Variants in RP1 observed in about 807,000 individuals in gnomAD.
RP1 encodes oxygen-regulated protein 1.
Under a neutral mutation model 14.8 loss-of-function variants are expected in RP1, and 16 were observed. That is an observed-to-expected ratio of 1.08 (90% confidence interval 0.73 to 1.65). The LOEUF (loss-of-function observed/expected upper bound fraction) is 1.65, where lower values mean the gene tolerates loss of function less well. RP1 is among the 40% of genes most tolerant of loss of function. The pLI is 0.00. For synonymous variants in RP1, 876 were observed against 883.6 expected, an observed-to-expected ratio of 0.99 and a Z score of 0.15; for missense variants, 2,631 against 2,535.0, an observed-to-expected ratio of 1.04 and a Z score of -0.81.
At chr8:54,786,522 A>G (rs1409462838) in intron 24 of RP1, among the ~76,000 whole-genome samples, 2 of 151,876 alleles carry the variant, frequency 1.3e-5, no homozygotes, top group Non-Finnish European at 1.5e-5. Flanking sequence ...GGAGTTGGGG[A>G]GGGTGGTAGA....
At position 54,629,885 on chromosome 8, in the gene RP1, G is replaced by A. The variant is rs748059185; in HGVS notation, c.6003G>A (p.Met2001Ile). The change falls in exon 4 of 4, where the codon ATG becomes ATA. Residue 2001 changes from methionine to isoleucine, a missense_variant. By Grantham distance (10) the Met-to-Ile change is conservative. Transcript: ENST00000220676. ...QFYFSNTFDL[M>I]GKRRKQKRIN... is the part of the protein sequence containing the mutation. ...ATTTCAGTAACACATTTGACTTGAT[G>A]GGTAAAAGAAGAAAACAAAAAAGAA... is the stretch of plus-strand genomic sequence containing the variant. The A allele has an allele frequency of 2.5e-6, 4 of 1,613,760 alleles. No homozygotes were observed. Among genetic ancestry groups the A allele is most frequent in the Non-Finnish European group, 2.5e-6 (3 of 1,179,900 alleles).
At chr8:54,580,307 T>C (rs1270409238) in intron 1 of RP1, among the ~76,000 whole-genome samples, 1 of 135,412 alleles carries the variant, frequency 7.4e-6, no homozygotes, top group East Asian at 2.1e-4. Flanking sequence ...CTTCTTTTTT[T>C]TTTTTTTTTT....
At chr8:54,869,952 C>T (rs1498180) in exon 29 of RP1, 235,594 of 1,188,864 alleles carry the variant, frequency 0.2, 28,956 homozygotes, top group East Asian at 0.64. Context: ...AAAGGGCCCA[C>T]TTGGGCCTGT....
intron 1 of RP1, among the ~76,000 whole-genome samples, chr8:54,577,517 T>G (rs1425480144): frequency 2.6e-5 from 4 of 152,214 alleles, no homozygotes. Flanking sequence ...TTTTTGCTTA[T>G]GAAATTTTGA....
intron 6 of RP1, among the ~76,000 whole-genome samples, chr8:54,657,998 A>G (rs1160891079): frequency 1.3e-5 from 2 of 152,218 alleles, no homozygotes; most frequent in East Asian, 3.9e-4. Context: ...TCACATTGTT[A>G]TGCAACAGAT....
At position 54,625,788 on chromosome 8, in the gene RP1, T is replaced by A. The variant is rs760663080; in HGVS notation, c.1906T>A (p.Ser636Thr). The A allele has an allele frequency of 6.2e-7, 1 of 1,613,536 alleles. No homozygotes were observed. Among genetic ancestry groups the A allele is most frequent in the Non-Finnish European group, 8.5e-7 (1 of 1,179,986 alleles). ...TGAGGCTCCAGCTTCAGAAGCATCCTCTACTGTCACTGCAAGAATTGACAG... is the reference window on the plus strand; with the variant it reads ...TGAGGCTCCAGCTTCAGAAGCATCCACTACTGTCACTGCAAGAATTGACAG... ...ISEAPASEAS[S>T]TVTARIDRLI... Residue 636 changes from serine (S) to threonine (T), a missense_variant, in exon 4 of 4, where the codon TCT becomes ACT. By Grantham distance (58) the Ser-to-Thr change is moderately conservative. Transcript: ENST00000220676.
intron 27 of RP1, among the ~76,000 whole-genome samples, chr8:54,859,935 C>A (rs947824314): frequency 6.6e-6 from 1 of 152,158 alleles, no homozygotes; most frequent in Non-Finnish European, 1.5e-5. Context: ...TTCTCAGACT[C>A]CTCTTTGTGA....
chr8:54,706,612 C>T (rs1808155315), exon 15 of RP1: 2 of 1,535,938 alleles, frequency 1.3e-6, no homozygotes, highest in Non-Finnish European at 8.7e-7. Flanking sequence ...GTGAAAAATG[C>T]ACAAATGTAT....
intron 19 of RP1, among the ~76,000 whole-genome samples, chr8:54,740,241 A>G (rs951230597): frequency 6.6e-6 from 1 of 150,978 alleles, no homozygotes; most frequent in African/African-American, 2.4e-5. Context: ...AAGCATTGTT[A>G]TCATAGGAGA....
chr8:54,820,738 G>A (rs1013761752), intron 24 of RP1, among the ~76,000 whole-genome samples: 1 of 152,088 alleles, frequency 6.6e-6, no homozygotes, highest in Non-Finnish European at 1.5e-5. Context: ...CAGGTACTGC[G>A]ATCACTCATC....
intron 7 of RP1, among the ~76,000 whole-genome samples, chr8:54,666,417 A>C (rs1325859272): frequency 6.6e-6 from 1 of 152,140 alleles, no homozygotes; most frequent in Non-Finnish European, 1.5e-5. Context: ...CTGTGGTACC[A>C]GGGACTTCTC....
At chr8:54,697,890 T>C (rs541964540) in intron 12 of RP1, among the ~76,000 whole-genome samples, 12 of 152,110 alleles carry the variant, frequency 7.9e-5, no homozygotes, top group Middle Eastern at 6.8e-3. Context: ...AAAAATTAAC[T>C]CAAGATGGAT....
intron 15 of RP1, among the ~76,000 whole-genome samples, chr8:54,708,858 T>A (rs1808226545): frequency 6.6e-6 from 1 of 152,182 alleles, no homozygotes; most frequent in South Asian, 2.1e-4. Flanking sequence ...GTGACTCAGC[T>A]CTATCTGATG....
chr8:54,753,819 T>G (rs1809434341), intron 19 of RP1, among the ~76,000 whole-genome samples: 1 of 152,102 alleles, frequency 6.6e-6, no homozygotes, highest in South Asian at 2.1e-4. Context: ...AAGGCAGGAT[T>G]GGAAGAGAGC....
chr8:54,627,692 A>G lies in RP1; in HGVS notation c.3810A>G (p.Pro1270=). The change falls in exon 4 of 4, where the codon CCA becomes CCG. Residue 1270 remains proline (P), a synonymous_variant. Coordinates refer to ENST00000220676, the MANE Select transcript of RP1 (RefSeq NM_006269.2). ...EMCTVNKAYS[P]KETCNPSDTF... ...GCACTGTAAATAAGGCTTATTCTCC[A>G]AAAGAGACATGTAACCCCAGTGACA... The G allele has an allele frequency of 6.2e-7, 1 of 1,614,186 alleles. No individual in the cohort carries two copies. Among genetic ancestry groups the G allele is most frequent in the Non-Finnish European group, 8.5e-7 (1 of 1,179,978 alleles).
At chr8:54,794,241 T>C (rs555083264) in intron 24 of RP1, among the ~76,000 whole-genome samples, 6 of 151,472 alleles carry the variant, frequency 4.0e-5, no homozygotes, top group African/African-American at 1.2e-4. Flanking sequence ...CACAAAAAAC[T>C]CTAAATAGTC....
At chr8:54,698,100 A>G (rs1316498561) in intron 12 of RP1, among the ~76,000 whole-genome samples, 1 of 152,240 alleles carries the variant, frequency 6.6e-6, no homozygotes, top group South Asian at 2.1e-4. Context: ...CAGAGTGAAC[A>G]GGCCACCTAC....
chr8:54,709,343 G>C (rs1808242003), intron 15 of RP1, among the ~76,000 whole-genome samples: 4 of 152,126 alleles, frequency 2.6e-5, no homozygotes, highest in Admixed American at 1.3e-4. Flanking sequence ...CATCAATGTT[G>C]GAAGCCCCTT....
chr8:54,715,705 A>G (rs1286761960), intron 15 of RP1, among the ~76,000 whole-genome samples: 1 of 152,210 alleles, frequency 6.6e-6, no homozygotes, highest in Non-Finnish European at 1.5e-5. Flanking sequence ...TTCTTTATCA[A>G]AGAGAGGAGA....
Sources: gnomAD v4.1 joint callset for allele counts (sites outside exome capture counted in the v4.1 genomes callset) on GRCh38, gnomAD v4.1.1 for gene constraint, MANE v1.5 for transcripts, NCBI Gene and HGNC (gene_info 2026-07-23, HGNC 2026-07-21) for gene names.